LGSN: variants seen among roughly 807,000 people sequenced by gnomAD.
LGSN encodes lengsin.
LGSN carries 21 observed loss-of-function variants against 19.5 expected under a neutral mutation model. The observed-to-expected ratio is 1.07, with a 90% confidence interval of 0.76 to 1.55. LGSN has a LOEUF of 1.55. Among genes scored for constraint, LGSN ranks in the 40% most tolerant of loss-of-function variants. LGSN has a pLI of 0.00. For synonymous variants in LGSN, 257 were observed against 215.6 expected, an observed-to-expected ratio of 1.19 and a Z score of -1.68; for missense variants, 673 against 608.5, an observed-to-expected ratio of 1.11 and a Z score of -1.12.
chr6:63,410,115 A>C, the LGSN span, among the ~76,000 whole-genome samples: 1 of 152,300 alleles, frequency 6.6e-6, no homozygotes, highest in Admixed American at 6.5e-5. Context: ...ATGGCTATGA[A>C]GATATGACAT....
the LGSN span, among the ~76,000 whole-genome samples, chr6:63,445,108 C>T: frequency 2.0e-5 from 3 of 152,186 alleles, no homozygotes; most frequent in Admixed American, 6.5e-5. Context: ...GTCAGGAGTT[C>T]GAGACCAGCC....
the LGSN span, among the ~76,000 whole-genome samples, chr6:63,563,271 C>T: frequency 1.3e-5 from 2 of 152,326 alleles, no homozygotes; most frequent in Non-Finnish European, 2.9e-5. Context: ...CTTTCCATGG[C>T]CTACAAGGTC....
At chr6:63,529,129 A>G in the LGSN span, among the ~76,000 whole-genome samples, 3 of 136,228 alleles carry the variant, frequency 2.2e-5, no homozygotes, top group South Asian at 2.4e-4. Flanking sequence ...ATGTATATAT[A>G]TGTGTGTGTA....
At chr6:63,412,343 G>A in the LGSN span, among the ~76,000 whole-genome samples, 1 of 148,514 alleles carries the variant, frequency 6.7e-6, no homozygotes. Flanking sequence ...CTCTGGCCTG[G>A]GCAACAGAGC....
At chr6:63,531,026 T>A in the LGSN span, among the ~76,000 whole-genome samples, 40 of 152,292 alleles carry the variant, frequency 2.6e-4, no homozygotes, top group Middle Eastern at 3.4e-3. Context: ...AAGAATGAGC[T>A]TTGCTTGTGA....
At chr6:63,505,350 G>A in the LGSN span, among the ~76,000 whole-genome samples, 5 of 151,600 alleles carry the variant, frequency 3.3e-5, no homozygotes, top group Non-Finnish European at 7.4e-5. Context: ...GCTGAGGTGG[G>A]TGGATCACCT....
At chr6:63,531,511 G>A in the LGSN span, among the ~76,000 whole-genome samples, 2 of 144,610 alleles carry the variant, frequency 1.4e-5, no homozygotes, top group Non-Finnish European at 3.0e-5. Flanking sequence ...TATCTATTAT[G>A]CTTTTTTTTT....
chr6:63,499,694 ATG>A, the LGSN span, among the ~76,000 whole-genome samples: 1 of 152,158 alleles, frequency 6.6e-6, no homozygotes, highest in South Asian at 2.1e-4. Context: ...ACACCTGATA[ATG>A]TGTTTTATGT....
the LGSN span, among the ~76,000 whole-genome samples, chr6:63,558,538 G>A: frequency 1.3e-5 from 2 of 152,146 alleles, no homozygotes; most frequent in African/African-American, 4.8e-5. Context: ...AAAATGAACA[G>A]GTCTCATGGG....
chr6:63,329,346 A>T, the LGSN span, among the ~76,000 whole-genome samples: 3 of 152,220 alleles, frequency 2.0e-5, no homozygotes, highest in African/African-American at 7.2e-5. Flanking sequence ...ACGATGAACC[A>T]TTCTGCTTCC....
the LGSN span, among the ~76,000 whole-genome samples, chr6:63,489,697 T>A: frequency 6.6e-6 from 1 of 151,960 alleles, no homozygotes; most frequent in African/African-American, 2.4e-5. Flanking sequence ...TTTATTTATT[T>A]ACTTATTTAT....
the LGSN span, chr6:63,571,427 G>A: frequency 2.0e-5 from 3 of 152,166 alleles, no homozygotes; most frequent in Non-Finnish European, 4.4e-5. Flanking sequence ...AGGAGAAAGG[G>A]TTTTCAGATT....
At chr6:63,285,327 CA>C (rs1461863770) in intron 3 of LGSN, among the ~76,000 whole-genome samples, 1 of 152,070 alleles carries the variant, frequency 6.6e-6, no homozygotes, top group African/African-American at 2.4e-5. Context: ...TTATTCAAGG[CA>C]GGACTAAAAT....
chr6:63,479,473 G>C, the LGSN span, among the ~76,000 whole-genome samples: 70,337 of 151,638 alleles, frequency 0.46, 18,138 homozygotes, highest in Non-Finnish European at 0.56. Context: ...GGCTCAGTGG[G>C]TCACGCCTAT....
At chr6:63,467,971 C>T in the LGSN span, among the ~76,000 whole-genome samples, 17 of 151,966 alleles carry the variant, frequency 1.1e-4, no homozygotes, top group East Asian at 3.9e-4. Context: ...AAATTACAGA[C>T]GTGAGGCACC....
chr6:63,320,689 T>G (rs1033997227), upstream of LGSN, among the ~76,000 whole-genome samples: 1 of 152,226 alleles, frequency 6.6e-6, no homozygotes, highest in African/African-American at 2.4e-5. Context: ...ACACTTCTGC[T>G]GCTATCAACT....
chr6:63,283,286 A>G (rs1356499443), intron 3 of LGSN, among the ~76,000 whole-genome samples: 1 of 152,176 alleles, frequency 6.6e-6, no homozygotes, highest in African/African-American at 2.4e-5. Flanking sequence ...GTTTATAGAT[A>G]TAAAGCACTG....
At chr6:63,437,367 T>C in the LGSN span, among the ~76,000 whole-genome samples, 1 of 152,174 alleles carries the variant, frequency 6.6e-6, no homozygotes, top group African/African-American at 2.4e-5. Context: ...TTGCTCTCTA[T>C]TGCTTTGCAC....
the LGSN span, among the ~76,000 whole-genome samples, chr6:63,460,482 T>G: frequency 6.6e-6 from 1 of 152,140 alleles, no homozygotes; most frequent in Admixed American, 6.6e-5. Context: ...ATTTCTATCT[T>G]TGAATTTAAA....
Sources: allele counts gnomAD v4.1 joint callset (sites outside exome capture counted in the v4.1 genomes callset), GRCh38; gene constraint gnomAD v4.1.1; transcripts MANE v1.5; gene names NCBI Gene and HGNC (gene_info 2026-07-23, HGNC 2026-07-21).